Variants in CCDC141 observed in about 807,000 individuals in gnomAD.
CCDC141 encodes coiled-coil domain containing 141.
A neutral mutation model predicts 181.0 loss-of-function variants in CCDC141; 168 were observed. The observed-to-expected ratio is 0.93, with a 90% confidence interval of 0.82 to 1.05. The LOEUF is 1.05. CCDC141 is among the 50% of genes least tolerant of loss of function. CCDC141 has a pLI of 0.00. For missense variants in CCDC141, 1,902 were observed against 1,788.5 expected (o/e 1.06, Z -1.14); for synonymous variants, 666 against 642.3 (o/e 1.04, Z -0.56).
At chr2:179,024,672 C>T (rs1423328880) in intron 2 of CCDC141, among the ~76,000 whole-genome samples, 1 of 152,200 alleles carries the variant, frequency 6.6e-6, no homozygotes, top group Non-Finnish European at 1.5e-5. Flanking sequence ...GAGCTCACGT[C>T]AGCTTCCTCA....
chr2:179,023,719 A>G (rs2042752342), intron 2 of CCDC141, among the ~76,000 whole-genome samples: 1 of 152,200 alleles, frequency 6.6e-6, no homozygotes, highest in South Asian at 2.1e-4. Flanking sequence ...AAATATATAC[A>G]TATGTAAAAA....
chr2:178,816,174 T>A, the CCDC141 span, among the ~76,000 whole-genome samples: 1 of 152,202 alleles, frequency 6.6e-6, no homozygotes, highest in Non-Finnish European at 1.5e-5. Context: ...GCCCTAAACA[T>A]CCTCTGTGCT....
At chr2:179,048,351 G>T (rs554958711) in intron 1 of CCDC141, among the ~76,000 whole-genome samples, 3 of 152,310 alleles carry the variant, frequency 2.0e-5, no homozygotes, top group Admixed American at 6.5e-5. Context: ...GGAGATGGCA[G>T]TAAGGTAAGA....
In CCDC141 at chr2:179,015,497, C is replaced by CCATATGTATCACATATATCT. The variant is rs1559049907; in HGVS notation, c.225+31786_225+31787insAGATATATGTGATACATATG. ...ATGTGCCATATATATCATATATGTGCCATATATATCATATATGTATCACAT... is the reference window on the plus strand; with the variant it reads ...ATGTGCCATATATATCATATATGTGCCATATGTATCACATATATCTCATATATATCATATATGTATCACAT... On this transcript the variant is annotated intron_variant, in intron 2 of 23. Coordinates refer to ENST00000443758, the MANE Select transcript of CCDC141 (RefSeq NM_173648.4). Among the ~76,000 whole-genome samples, 12 of 40,084 alleles carry CCATATGTATCACATATATCT rather than the reference C, an allele frequency of 3.0e-4. No homozygotes were observed. The East Asian group carries it at 8.4e-3, about 28-fold the overall frequency. 26.3% of individuals were successfully genotyped at this position (40,084 alleles called of 152,430 possible).
chr2:178,986,994 G>A (rs185793216), intron 2 of CCDC141, among the ~76,000 whole-genome samples: 2 of 152,100 alleles, frequency 1.3e-5, no homozygotes, highest in Admixed American at 1.3e-4. Context: ...AACCAAAAAA[G>A]AGCCCGCATC....
intron 6 of CCDC141, among the ~76,000 whole-genome samples, chr2:178,927,018 C>G (rs1281412162): frequency 6.6e-6 from 1 of 152,022 alleles, no homozygotes; most frequent in Non-Finnish European, 1.5e-5. Context: ...TTTTACCTTC[C>G]TTGTAAAATT....
chr2:178,844,293 C>T (rs897603507), intron 22 of CCDC141, among the ~76,000 whole-genome samples: 1 of 152,018 alleles, frequency 6.6e-6, no homozygotes, highest in African/African-American at 2.4e-5. Context: ...TTTATTGTGT[C>T]GACCACTCAT....
chr2:179,037,502 T>C (rs1048106994), intron 2 of CCDC141, among the ~76,000 whole-genome samples: 4 of 152,166 alleles, frequency 2.6e-5, no homozygotes, highest in African/African-American at 9.7e-5. Context: ...TATAAATAAT[T>C]CGAGTCACGC....
intron 17 of CCDC141, among the ~76,000 whole-genome samples, chr2:178,858,581 A>T (rs928921298): frequency 1.3e-5 from 2 of 152,148 alleles, no homozygotes; most frequent in African/African-American, 4.8e-5. Flanking sequence ...CAACAATGTG[A>T]ATGTACTTAA....
the CCDC141 span, among the ~76,000 whole-genome samples, chr2:178,818,678 T>C: frequency 3.3e-5 from 5 of 152,236 alleles, no homozygotes; most frequent in African/African-American, 4.8e-5. Context: ...CAGTCTATCA[T>C]TGATGGGTGT....
chr2:178,905,529 C>T (rs1458513017), intron 7 of CCDC141, 28 bp from the exon 8 acceptor site: 5 of 1,529,242 alleles, frequency 3.3e-6, no homozygotes, highest in Non-Finnish European at 4.4e-6. Flanking sequence ...CTTTTATTTT[C>T]TGCTTCTCTA....
intron 2 of CCDC141, among the ~76,000 whole-genome samples, chr2:178,981,943 T>C (rs1041283303): frequency 3.3e-5 from 5 of 151,498 alleles, no homozygotes; most frequent in Admixed American, 6.6e-5. Flanking sequence ...ATTACTAATA[T>C]TGGAAATGAA....
intron 2 of CCDC141, among the ~76,000 whole-genome samples, chr2:179,032,460 C>A (rs2043026602): frequency 6.6e-6 from 1 of 152,174 alleles, no homozygotes. Context: ...ACCCTTGGAT[C>A]CTTTTTCCTC....
rs1559009150 is a variant in CCDC141, at chr2:178,961,247, C to T, written c.763G>A (p.Asp255Asn). 6.5e-7 allele frequency: 1 copy of T among 1,550,240 alleles called. No individual in the cohort carries two copies. Among genetic ancestry groups the T allele is most frequent in the Non-Finnish European group, 8.7e-7 (1 of 1,146,770 alleles). The change falls in exon 5 of 24, where the codon GAC becomes AAC. Residue 255 changes from aspartate to asparagine, a missense_variant. Physicochemically the swap from Asp to Asn is conservative, Grantham distance 23 (BLOSUM62 1). Coordinates refer to ENST00000443758, the MANE Select transcript of CCDC141 (RefSeq NM_173648.4). ...TGGGTTACCTGGTTTTCTTGTTGGT[C>T]CCACTGACATATCTGCAGAACTTGA... is the stretch of plus-strand genomic sequence containing the variant. ...LSQVLQICQW[D>N]QQENQVTCWF...
At chr2:179,039,336 A>C (rs1194858430) in intron 2 of CCDC141, among the ~76,000 whole-genome samples, 1 of 152,152 alleles carries the variant, frequency 6.6e-6, no homozygotes, top group Non-Finnish European at 1.5e-5. Context: ...GTTTGAGATA[A>C]TTTTCAGTGG....
chr2:178,863,189 T>C (rs1379914305), intron 17 of CCDC141, among the ~76,000 whole-genome samples: 2 of 152,220 alleles, frequency 1.3e-5, no homozygotes, highest in Non-Finnish European at 2.9e-5. Context: ...AACTCTGTTG[T>C]CCTGTAGCAT....
At chr2:179,013,461 T>C (rs1337236049) in intron 2 of CCDC141, among the ~76,000 whole-genome samples, 2 of 151,970 alleles carry the variant, frequency 1.3e-5, no homozygotes, top group African/African-American at 2.4e-5. Context: ...AAAGAAATAA[T>C]AGATGACATG....
the CCDC141 span, among the ~76,000 whole-genome samples, chr2:178,820,693 G>C: frequency 6.6e-6 from 1 of 152,264 alleles, no homozygotes; most frequent in South Asian, 2.1e-4. Flanking sequence ...CATATGAGCT[G>C]TTCTGAAGAA....
intron 5 of CCDC141, among the ~76,000 whole-genome samples, chr2:178,948,070 C>A (rs189522369): frequency 6.6e-6 from 1 of 152,008 alleles, no homozygotes; most frequent in African/African-American, 2.4e-5. Context: ...TGTGGTAGCA[C>A]ACACCTGTAG....
Sources: gnomAD v4.1 joint callset for allele counts (sites outside exome capture counted in the v4.1 genomes callset) on GRCh38, gnomAD v4.1.1 for gene constraint, MANE v1.5 for transcripts, NCBI Gene and HGNC (gene_info 2026-07-23, HGNC 2026-07-21) for gene names.